Variants in COL22A1 observed in about 807,000 individuals in gnomAD.
COL22A1 encodes collagen type XXII alpha 1 chain, also known as collagen alpha-1(XXII) chain.
In COL22A1, 221 loss-of-function variants were observed where a neutral mutation model predicts 248.9. The ratio of observed to expected loss-of-function variants is 0.89; its 90% CI spans 0.80 to 0.99. The LOEUF (loss-of-function observed/expected upper bound fraction) is 0.99, where lower values mean the gene tolerates loss of function less well. Ranked by LOEUF, COL22A1 falls within the 50% of genes least tolerant of loss-of-function variation. The pLI is 0.00. For missense variants in COL22A1, 2,240 were observed against 2,179.0 expected (o/e 1.03, Z -0.56); for synonymous variants, 891 against 793.4 (o/e 1.12, Z -2.07).
chr8:138,852,437 T>C lies in COL22A1; in HGVS notation c.659-8279A>G, dbSNP rs1422441545. On this transcript the variant is annotated intron_variant, in intron 3 of 64. Coordinates refer to ENST00000303045, the MANE Select transcript of COL22A1 (RefSeq NM_152888.3). ...AATGCTCTGCCCTGTGCAGCTGTAA[T>C]GTTGGAGCCACAGAACATGAGTCCA... is the stretch of plus-strand genomic sequence containing the variant. Among the ~76,000 whole-genome samples the C allele has an allele frequency of 2.0e-5, 3 of 152,254 alleles. No homozygotes were observed. In the South Asian group the frequency reaches 6.2e-4, roughly 32 times the overall value.
At chr8:138,742,714 A>G (rs1243516909) in intron 22 of COL22A1, among the ~76,000 whole-genome samples, 8 of 98,120 alleles carry the variant, frequency 8.2e-5, no homozygotes, top group African/African-American at 1.7e-4. Flanking sequence ...TGATGATGGT[A>G]GAGTTGATGA....
At chr8:138,876,801 G>A (rs556687064) in intron 3 of COL22A1, among the ~76,000 whole-genome samples, 18 of 152,176 alleles carry the variant, frequency 1.2e-4, no homozygotes, top group Admixed American at 1.1e-3. Flanking sequence ...CCAGCCAGGG[G>A]TTGTTCAGCC....
intron 40 of COL22A1, among the ~76,000 whole-genome samples, chr8:138,678,577 TA>T (rs5895549): frequency 3.7e-4 from 56 of 149,954 alleles, no homozygotes; most frequent in African/African-American, 1.3e-3. Context: ...ATAGAGGGAG[TA>T]AAAAAAAAAT....
intron 12 of COL22A1, among the ~76,000 whole-genome samples, chr8:138,790,701 G>A (rs949458595): frequency 1.3e-5 from 2 of 152,186 alleles, no homozygotes; most frequent in African/African-American, 4.8e-5. Flanking sequence ...TTGGGATAAG[G>A]GAAGACCTGG....
chr8:138,624,669 T>C (rs573874167), intron 51 of COL22A1, among the ~76,000 whole-genome samples: 2 of 152,334 alleles, frequency 1.3e-5, no homozygotes, highest in East Asian at 3.9e-4. Context: ...CTAACTGCTA[T>C]GATATCCTAG....
intron 2 of COL22A1, among the ~76,000 whole-genome samples, 154 bp downstream of exon 2, chr8:138,882,928 G>T (rs1018168784): frequency 6.6e-6 from 1 of 152,184 alleles, no homozygotes; most frequent in Admixed American, 6.5e-5. Context: ...TAGGTTAGAA[G>T]GCAGCTGACT....
chr8:138,721,991 G>A (rs752722892), intron 26 of COL22A1, 45 bp downstream of exon 26: 20 of 1,437,240 alleles, frequency 1.4e-5, no homozygotes, highest in Admixed American at 2.0e-5. Context: ...TTTAGTTTCT[G>A]TGTTTTGGGT....
chr8:138,707,203 G>C (rs1828539078), intron 30 of COL22A1, among the ~76,000 whole-genome samples: 1 of 152,140 alleles, frequency 6.6e-6, no homozygotes, highest in Admixed American at 6.5e-5. Context: ...AATTCTACCA[G>C]AGGTACAAAG....
In COL22A1 at chr8:138,672,634, C is replaced by T. The variant is rs187129315; in HGVS notation, c.3150+3924G>A. On this transcript the variant is annotated intron_variant, in intron 41 of 64. Transcript: ENST00000303045. ...AATTCCAGGGAGGGACAGTGAGAGG[C>T]TCAAAAAGGGACGTCATTTCAGGCT... 8.2e-4 allele frequency among the ~76,000 whole-genome samples: 125 copies of T among 152,252 alleles called. No homozygotes were observed. The Middle Eastern group carries it at 0.01, about 12-fold the overall frequency.
At chr8:138,882,323 C>A (rs1276801585) in intron 2 of COL22A1, among the ~76,000 whole-genome samples, 1 of 151,936 alleles carries the variant, frequency 6.6e-6, no homozygotes, top group Non-Finnish European at 1.5e-5. Context: ...TATTCACACT[C>A]CCTCAAACTC....
At chr8:138,606,489 C>T (rs1241938408) in intron 57 of COL22A1, 37 bp from the exon 58 acceptor site, 2 of 1,596,606 alleles carry the variant, frequency 1.3e-6, no homozygotes, top group Non-Finnish European at 1.7e-6. Flanking sequence ...TCCTCAAGGT[C>T]ACGTACCAAC....
chr8:138,826,572 G>T, intron 6 of COL22A1, 86 bp downstream of exon 6: 1 of 1,435,490 alleles, frequency 7.0e-7, no homozygotes, highest in Non-Finnish European at 9.7e-7. Flanking sequence ...AAGAGCCCTG[G>T]AGAAAACATG....
chr8:138,707,861 T>A (rs1828604164), intron 30 of COL22A1, among the ~76,000 whole-genome samples: 1 of 152,190 alleles, frequency 6.6e-6, no homozygotes, highest in South Asian at 2.1e-4. Flanking sequence ...TGTTTGCAGA[T>A]GACATGATTG....
At chr8:138,899,949 A>C (rs1814417990) in intron 1 of COL22A1, among the ~76,000 whole-genome samples, 1 of 152,206 alleles carries the variant, frequency 6.6e-6, no homozygotes, top group Admixed American at 6.5e-5. Context: ...GATCCAGTAG[A>C]CTGCAGGGTA....
At chr8:138,895,306 T>G (rs1332848889) in intron 1 of COL22A1, among the ~76,000 whole-genome samples, 1 of 152,142 alleles carries the variant, frequency 6.6e-6, no homozygotes, top group Non-Finnish European at 1.5e-5. Flanking sequence ...ACAGCTTGAA[T>G]GAGAAAATTC....
chr8:138,838,974 C>A (rs866958965), intron 4 of COL22A1, among the ~76,000 whole-genome samples: 20 of 152,222 alleles, frequency 1.3e-4, no homozygotes, highest in African/African-American at 4.6e-4. Context: ...TGCCCTCCCC[C>A]ACCCCCTTAG....
intron 60 of COL22A1, among the ~76,000 whole-genome samples, chr8:138,599,177 C>G (rs1014147979): frequency 6.6e-6 from 1 of 152,094 alleles, no homozygotes; most frequent in Admixed American, 6.5e-5. Flanking sequence ...CCTGTCTCTA[C>G]TAAAAATACA....
At chr8:138,862,039 AAAAAAAAAG>A (rs1822514327) in intron 3 of COL22A1, among the ~76,000 whole-genome samples, 1 of 149,994 alleles carries the variant, frequency 6.7e-6, no homozygotes, top group Admixed American at 6.6e-5. Context: ...AAAAAAAAAA[AAAAAAAAAG>A]AAAAAAAGAA....
chr8:138,714,727 C>T (rs1488381434), intron 30 of COL22A1, among the ~76,000 whole-genome samples: 5 of 152,312 alleles, frequency 3.3e-5, no homozygotes, highest in Admixed American at 2.0e-4. Context: ...ACAATGCCAA[C>T]GAAGCCTCTC....
Sources: gnomAD v4.1 joint callset for allele counts (sites outside exome capture counted in the v4.1 genomes callset) on GRCh38, gnomAD v4.1.1 for gene constraint, MANE v1.5 for transcripts, NCBI Gene and HGNC (gene_info 2026-07-23, HGNC 2026-07-21) for gene names.